PPP2R5C: variants seen among roughly 807,000 people sequenced by gnomAD.
The protein encoded by PPP2R5C is serine/threonine-protein phosphatase 2A 56 kDa regulatory subunit gamma isoform.
PPP2R5C carries 7 observed loss-of-function variants against 68.9 expected under a neutral mutation model. The observed-to-expected ratio is 0.10, with a 90% CI of 0.06 to 0.19. PPP2R5C has a LOEUF of 0.19. Ranked by LOEUF, PPP2R5C falls within the 10% of genes least tolerant of loss-of-function variation. The pLI is 1.00. For synonymous variants in PPP2R5C, 210 were observed against 222.2 expected, an observed-to-expected ratio of 0.95 and a Z score of 0.49; for missense variants, 348 against 641.3, an observed-to-expected ratio of 0.54 and a Z score of 4.94.
At chr14:101,844,287 G>A (rs1035820192) in intron 1 of PPP2R5C, among the ~76,000 whole-genome samples, 13 of 152,062 alleles carry the variant, frequency 8.5e-5, no homozygotes, top group Non-Finnish European at 1.8e-4. Context: ...GGCAGCTTGC[G>A]GGAGGGGCCG....
chr14:101,840,948 A>G (rs779090608), intron 1 of PPP2R5C, among the ~76,000 whole-genome samples: 21 of 152,346 alleles, frequency 1.4e-4, no homozygotes, highest in South Asian at 1.0e-3. Context: ...TTCTGTTACC[A>G]TCAGGAGAGT....
rs879149033 is a variant in PPP2R5C, at chr14:101,823,835, C to T, written c.94+13799C>T. The T allele has an allele frequency of 6.7e-6, 8 of 1,194,080 alleles. No individual in the cohort carries two copies. The South Asian group carries it at 1.0e-4, about 16-fold the overall frequency. 74.0% of individuals were successfully genotyped at this position (1,194,080 alleles called of 1,614,324 possible). The stretch of plus-strand genomic sequence containing the variant: ...GGATCTATCTACACGGTACTTTCTG[C>T]TCTCAGCTTTTTACAGTGGTGTAGA... On this transcript the variant is annotated intron_variant, in intron 1 of 13. Transcript: ENST00000334743.
At chr14:101,819,271 T>C (rs2039904018) in intron 1 of PPP2R5C, 1 of 549,344 alleles carries the variant, frequency 1.8e-6, no homozygotes, top group Admixed American at 3.1e-5. Context: ...CATGGAGCAG[T>C]GTTCACCCTG....
intron 10 of PPP2R5C, 146 bp from the exon 13 acceptor site, chr14:101,909,443 A>G (rs2046264193): frequency 4.4e-6 from 2 of 457,808 alleles, no homozygotes; most frequent in Non-Finnish European, 8.0e-6. Flanking sequence ...AAAACAAGTA[A>G]CGCGGAATGA....
At position 101,787,009 on chromosome 14, in the gene PPP2R5C, T is replaced by C. The variant is rs181713009; in HGVS notation, c.259+826T>C. Among the ~76,000 whole-genome samples, 272 of 152,298 alleles carry C rather than the reference T, an allele frequency of 1.8e-3. 1 individual carries two copies. Among genetic ancestry groups the C allele is most frequent in the African/African-American group, 5.7e-3 (238 of 41,556 alleles). ...GCTCGCGCTTATAATCTCATCACTTTAGGAGGCTGAGGCAGAAGGATCACT... is the reference window on the plus strand; with the variant it reads ...GCTCGCGCTTATAATCTCATCACTTCAGGAGGCTGAGGCAGAAGGATCACT... On this transcript the variant is annotated intron_variant, in intron 3 of 14. Transcript: ENST00000328724.
In PPP2R5C at chr14:101,882,342, G is replaced by A. The variant is rs895016868; in HGVS notation, c.405+71G>A. On this transcript the variant is annotated intron_variant, in intron 3 of 13. Transcript: ENST00000334743. The surrounding 1 kb of genome is among the most constrained non-coding windows in gnomAD (Gnocchi z 4.9). ...GGGAATGGCCTGGGATCCACAGAGC[G>A]GGCGCACTGGTCTGGCCAGATGGAC... The A allele has an allele frequency of 6.2e-5, 76 of 1,233,044 alleles. No individual in the cohort carries two copies. Among genetic ancestry groups the A allele is most frequent in the East Asian group, 5.7e-4 (23 of 40,472 alleles). 76.4% of individuals were successfully genotyped at this position (1,233,044 alleles called of 1,614,324 possible).
chr14:101,800,591 T>C (rs935776448), intron 3 of PPP2R5C, among the ~76,000 whole-genome samples: 3 of 148,068 alleles, frequency 2.0e-5, no homozygotes, highest in African/African-American at 5.0e-5. Context: ...AAAATATATA[T>C]AAAATAAAAT....
At position 101,889,010 on chromosome 14, in the gene PPP2R5C, TA is replaced by T. The variant is rs796892237; in HGVS notation, c.630-1215del. On this transcript the variant is annotated intron_variant, in intron 5 of 13. Transcript: ENST00000334743. ...TCTTCTCCCTCTCCACACTGCCATA[TA>T]AAAAAAAAAAATCTGTGAAAATCCT... Among the ~76,000 whole-genome samples the T allele has an allele frequency of 8.7e-4, 127 of 146,076 alleles. 1 individual carries two copies. The highest frequency in any genetic ancestry group is 1.2e-3 in the East Asian group (6 of 5,076).
chr14:101,883,588 C>T, intron 5 of PPP2R5C, 26 bp downstream of exon 7: 2 of 1,609,048 alleles, frequency 1.2e-6, no homozygotes, highest in South Asian at 1.1e-5. Flanking sequence ...ATGGCGTTGT[C>T]CTTGTGTGTG....
intron 2 of PPP2R5C, among the ~76,000 whole-genome samples, chr14:101,862,412 A>C (rs962780667): frequency 6.6e-6 from 1 of 152,200 alleles, no homozygotes; most frequent in African/African-American, 2.4e-5. Flanking sequence ...AAGGTTACAG[A>C]GTCATTTGTG....
rs1456643892 is a variant in PPP2R5C at position 101,879,819 on chromosome 14, C to G, written c.295-2342C>G. Among the ~76,000 whole-genome samples, 8 of 152,242 alleles carry G rather than the reference C, an allele frequency of 5.3e-5. No homozygotes were observed. Among genetic ancestry groups the G allele is most frequent in the African/African-American group, 2.4e-5 (1 of 41,454 alleles). ...GAGCTAAAGACTCAATTCAGACTTT[C>G]CTTTCTCTGCCCTTCATGGCCCTGG... is the stretch of plus-strand genomic sequence containing the variant. On this transcript the variant is annotated intron_variant, in intron 2 of 13. Coordinates refer to ENST00000334743, the Ensembl canonical transcript of PPP2R5C. This position sits in a 1 kb window ranked among gnomAD's most constrained non-coding sequence, Gnocchi z 4.2.
At chr14:101,914,206 G>T (rs1231558376) in intron 12 of PPP2R5C, 4 of 456,018 alleles carry the variant, frequency 8.8e-6, no homozygotes, top group African/African-American at 6.0e-5. Context: ...GAGCTTTGAC[G>T]AACTGTGATG....
chr14:101,770,127 G>A (rs2037071705), intron 2 of PPP2R5C, among the ~76,000 whole-genome samples: 1 of 152,166 alleles, frequency 6.6e-6, no homozygotes, highest in South Asian at 2.1e-4. Context: ...TGTGCAGTCT[G>A]TTGTTATCTG....
At chr14:101,776,097 C>T (rs1206733085) in intron 2 of PPP2R5C, among the ~76,000 whole-genome samples, 2 of 146,832 alleles carry the variant, frequency 1.4e-5, no homozygotes, top group Non-Finnish European at 1.5e-5. Flanking sequence ...TGTTCAGACA[C>T]GTGGAGGCCA....
At chr14:101,827,370 G>T (rs1028704967) in intron 1 of PPP2R5C, among the ~76,000 whole-genome samples, 1 of 152,154 alleles carries the variant, frequency 6.6e-6, no homozygotes, top group Admixed American at 6.5e-5. Flanking sequence ...CCTCCAGAAT[G>T]CATACCCCAG....
At chr14:101,880,798 G>C (rs2044120048) in intron 2 of PPP2R5C, among the ~76,000 whole-genome samples, 1 of 152,060 alleles carries the variant, frequency 6.6e-6, no homozygotes, top group Non-Finnish European at 1.5e-5. Context: ...CTGTCTTTAA[G>C]AGGAAAAAAG....
intron 5 of PPP2R5C, among the ~76,000 whole-genome samples, chr14:101,887,760 GGAGAAATA>G (rs984175611): frequency 2.0e-5 from 3 of 152,200 alleles, no homozygotes; most frequent in Non-Finnish European, 4.4e-5. Context: ...TTCAGAGGAA[GGAGAAATA>G]GAGTCCACCT....
upstream of PPP2R5C, among the ~76,000 whole-genome samples, chr14:101,809,030 TAA>T (rs1474504316): frequency 6.6e-6 from 1 of 152,124 alleles, no homozygotes; most frequent in Non-Finnish European, 1.5e-5. Flanking sequence ...CCCATAAAAA[TAA>T]GTGAAAATAT....
At chr14:101,792,027 C>G (rs1475668234) in intron 3 of PPP2R5C, among the ~76,000 whole-genome samples, 1 of 152,186 alleles carries the variant, frequency 6.6e-6, no homozygotes, top group Non-Finnish European at 1.5e-5. Context: ...CTGGGAGTGC[C>G]TTAAACCACA....
Sources: allele counts gnomAD v4.1 joint callset (sites outside exome capture counted in the v4.1 genomes callset), GRCh38; gene constraint gnomAD v4.1.1; non-coding constraint Gnocchi (gnomAD v3.1); transcripts MANE v1.5; gene names NCBI Gene and HGNC (gene_info 2026-07-23, HGNC 2026-07-21).